PLEKHM2: variants seen among roughly 807,000 people sequenced by gnomAD.
PLEKHM2 encodes pleckstrin homology and RUN domain containing M2, also known as pleckstrin homology domain-containing family M member 2.
Under a neutral mutation model 116.3 loss-of-function variants are expected in PLEKHM2, and 77 were observed. The ratio of observed to expected loss-of-function variants is 0.66; its 90% CI spans 0.55 to 0.80. The LOEUF is 0.80. Ranked by LOEUF, PLEKHM2 falls within the 30% of genes least tolerant of loss-of-function variation. The pLI, the probability that PLEKHM2 is intolerant of heterozygous loss-of-function variation, is 0.00. For missense variants in PLEKHM2, 1,183 were observed against 1,354.9 expected (o/e 0.87, Z 1.99); for synonymous variants, 562 against 571.0 (o/e 0.98, Z 0.22).
In PLEKHM2 at chr1:15,716,271, T is replaced by C. The variant is rs12091750; in HGVS notation, c.95T>C (p.Ile32Thr). The C allele has an allele frequency of 0.26, 422,526 of 1,599,570 alleles. 64,797 individuals are homozygous for C. Among genetic ancestry groups the C allele is most frequent in the African/African-American group, 0.69 (51,140 of 74,534 alleles). Reference protein sequence around the residue: ...QSYFAACEDEIPAIRNHDKVL... With the variant: ...QSYFAACEDETPAIRNHDKVL... ...TATTTTGCTGCATGTGAGGATGAGA[T>C]CCCTGCCATCCGGAACCATGACAAG... The change falls in exon 2 of 20, where the codon ATC becomes ACC. Residue 32 changes from isoleucine to threonine, a missense_variant. By Grantham distance (89) the Ile-to-Thr change is moderately conservative. This residue lies in a region of PLEKHM2 where 217 missense variants were observed against 277.6 expected (regional missense o/e 0.78). Transcript: ENST00000375799.
upstream of PLEKHM2, among the ~76,000 whole-genome samples, chr1:15,683,963 G>C (rs1342728272): frequency 2.0e-5 from 3 of 150,536 alleles, no homozygotes; most frequent in Admixed American, 2.0e-4. Flanking sequence ...CCCAGGGTCT[G>C]TGGGGGTCTC....
intron 1 of PLEKHM2, among the ~76,000 whole-genome samples, chr1:15,715,363 CG>C (rs1641424003): frequency 6.6e-6 from 1 of 151,670 alleles, no homozygotes; most frequent in Admixed American, 6.6e-5. Flanking sequence ...ACAAACAGGC[CG>C]GGCACAGTGG....
At chr1:15,685,543 A>G (rs1168615326) in intron 1 of PLEKHM2, among the ~76,000 whole-genome samples, 5 of 139,118 alleles carry the variant, frequency 3.6e-5, no homozygotes, top group African/African-American at 1.5e-4. Context: ...CAGAAACTGA[A>G]AAAAAAAAAA....
intron 1 of PLEKHM2, among the ~76,000 whole-genome samples, chr1:15,713,405 GTTGC>G (rs2148353832): frequency 6.6e-6 from 1 of 152,180 alleles, no homozygotes; most frequent in South Asian, 2.1e-4. Context: ...ACACCTCTGT[GTTGC>G]TTCCATTTTT....
chr1:15,705,433 C>T (rs979144641), intron 1 of PLEKHM2, among the ~76,000 whole-genome samples: 1 of 151,984 alleles, frequency 6.6e-6, no homozygotes, highest in Non-Finnish European at 1.5e-5. Context: ...CCACTCACCT[C>T]GGCCTCCCAA....
upstream of PLEKHM2, among the ~76,000 whole-genome samples, chr1:15,682,112 C>T (rs920744251): frequency 1.3e-5 from 2 of 151,950 alleles, no homozygotes; most frequent in African/African-American, 4.8e-5. Flanking sequence ...GTGGGAGGAT[C>T]CCCCAGGGAG....
In PLEKHM2 at chr1:15,716,744, G is replaced by A. The variant is rs765299409; in HGVS notation, c.205G>A (p.Val69Met). ...DLSSGYWVLV[V>M]HFTRREAIKQ... ...CTCCTCTGGCTACTGGGTGCTCGTG[G>A]TGCATTTTACTCGGAGAGAGGCCAT... The change falls in exon 3 of 20, where the codon GTG becomes ATG. Residue 69 changes from valine to methionine, a missense_variant. Coordinates refer to ENST00000375799, the MANE Select transcript of PLEKHM2 (RefSeq NM_015164.4). 1.9e-5 allele frequency: 30 copies of A among 1,579,208 alleles called. No homozygotes were observed. Among genetic ancestry groups the A allele is most frequent in the Middle Eastern group, 3.3e-4 (2 of 6,040 alleles).
At chr1:15,686,949 G>A (rs922096516) in intron 1 of PLEKHM2, among the ~76,000 whole-genome samples, 6 of 151,704 alleles carry the variant, frequency 4.0e-5, no homozygotes, top group African/African-American at 7.2e-5. Flanking sequence ...GGCGCCCAGC[G>A]TCTAATTTTT....
At chr1:15,714,652 G>A (rs2148355409) in intron 1 of PLEKHM2, among the ~76,000 whole-genome samples, 1 of 152,302 alleles carries the variant, frequency 6.6e-6, no homozygotes, top group South Asian at 2.1e-4. Context: ...CTCTCTCCAG[G>A]AGCACATGCT....
intron 19 of PLEKHM2, among the ~76,000 whole-genome samples, chr1:15,733,168 C>G (rs1304466419): frequency 6.6e-6 from 1 of 152,218 alleles, no homozygotes; most frequent in Non-Finnish European, 1.5e-5. Flanking sequence ...TTGGTGCCAG[C>G]CCCAGACTGA....
chr1:15,688,643 C>G (rs1178475269), intron 1 of PLEKHM2, among the ~76,000 whole-genome samples: 2 of 125,642 alleles, frequency 1.6e-5, no homozygotes, highest in Non-Finnish European at 3.2e-5. Flanking sequence ...GAGGGAGACT[C>G]TGTCTCAAAA....
intron 14 of PLEKHM2, among the ~76,000 whole-genome samples, chr1:15,730,159 G>T (rs1353271338): frequency 6.6e-6 from 1 of 152,202 alleles, no homozygotes; most frequent in East Asian, 1.9e-4. Context: ...ACCCTCGCTC[G>T]GCAGGGCACA....
chr1:15,728,831 C>T lies in PLEKHM2; in HGVS notation c.1986+98C>T. The T allele has an allele frequency of 8.6e-7, 1 of 1,162,872 alleles. No homozygotes were observed. Among genetic ancestry groups the T allele is most frequent in the Non-Finnish European group, 1.3e-6 (1 of 797,374 alleles). The allele number at this position is 1,162,872 out of a possible 1,614,324, so 72.0% of individuals were successfully genotyped here. A position where few individuals can be genotyped will look rare whatever the true frequency, so the allele number is the denominator to read the frequency against. On this transcript the variant is annotated intron_variant, in intron 12 of 19. Coordinates refer to ENST00000375799, the MANE Select transcript of PLEKHM2 (RefSeq NM_015164.4). This position sits in a 1 kb window ranked among gnomAD's most constrained non-coding sequence, Gnocchi z 5.9. ...CAGGGCGAGGCACGGCCCCTTACTC[C>T]CCTCCCGGGGTTGGGCACCAACTTA...
At chr1:15,724,295 C>T (rs1420415747) in intron 7 of PLEKHM2, among the ~76,000 whole-genome samples, 1 of 152,102 alleles carries the variant, frequency 6.6e-6, no homozygotes, top group Non-Finnish European at 1.5e-5. Context: ...CCATCCTGGC[C>T]AACATGGTGA....
In PLEKHM2 at chr1:15,734,131, C is replaced by G; in HGVS notation, c.*197C>G. ...TCAGGTGCCCGGCACCCCTGGGCAT[C>G]CTGCCCGACAGGTAGCGAATGGAGG... On this transcript the variant is annotated 3_prime_UTR_variant, in exon 20 of 20. Coordinates refer to ENST00000375799, the MANE Select transcript of PLEKHM2 (RefSeq NM_015164.4). The G allele has an allele frequency of 1.6e-6, 1 of 614,774 alleles. No homozygotes were observed. 38.1% of individuals were successfully genotyped at this position (614,774 alleles called of 1,614,324 possible). A position where few individuals can be genotyped will look rare whatever the true frequency, so the allele number is the denominator to read the frequency against.
intron 1 of PLEKHM2, among the ~76,000 whole-genome samples, chr1:15,703,321 G>A (rs1026743107): frequency 5.3e-5 from 8 of 151,192 alleles, no homozygotes; most frequent in Non-Finnish European, 1.2e-4. Flanking sequence ...AAACAGGCAC[G>A]CTTACAGCCA....
At chr1:15,698,996 A>G (rs1390451378) in intron 1 of PLEKHM2, among the ~76,000 whole-genome samples, 1 of 152,106 alleles carries the variant, frequency 6.6e-6, no homozygotes, top group African/African-American at 2.4e-5. Flanking sequence ...TTTCTAGGCT[A>G]TGGTGCAGTG....
At chr1:15,697,469 C>T (rs781247181) in intron 1 of PLEKHM2, among the ~76,000 whole-genome samples, 1 of 152,208 alleles carries the variant, frequency 6.6e-6, no homozygotes, top group Non-Finnish European at 1.5e-5. Context: ...ACTCCCCTTC[C>T]GGGAAGAGGA....
In PLEKHM2 at chr1:15,719,631, C is replaced by A; in HGVS notation, c.466-103C>A. The stretch of plus-strand genomic sequence containing the variant: ...TTTACTACCTTAAGCCATTGATTTC[C>A]CAAAGAGGCACATCTGTGTCTCCCA... On this transcript the variant is annotated intron_variant, in intron 5 of 19. Transcript: ENST00000375799. The surrounding 1 kb of genome is among the most constrained non-coding windows in gnomAD (Gnocchi z 4.1). 1 of 723,918 alleles carries A rather than the reference C, an allele frequency of 1.4e-6. No homozygotes were observed. The allele number at this position is 723,918 out of a possible 1,614,324, so 44.8% of individuals were successfully genotyped here. A position where few individuals can be genotyped will look rare whatever the true frequency, so the allele number is the denominator to read the frequency against.
Sources: gnomAD v4.1 joint callset for allele counts (sites outside exome capture counted in the v4.1 genomes callset) on GRCh38, gnomAD v4.1.1 for gene constraint, gnomAD v4.1.1 regional missense constraint, Gnocchi (gnomAD v3.1) non-coding constraint, MANE v1.5 for transcripts, NCBI Gene and HGNC (gene_info 2026-07-23, HGNC 2026-07-21) for gene names.